The following CLSTN1 variants were observed in gnomAD, a reference collection of about 807,000 sequenced individuals.
CLSTN1 encodes the protein calsyntenin 1, also known as calsyntenin-1.
A neutral mutation model predicts 108.3 loss-of-function variants in CLSTN1; 28 were observed. The ratio of observed to expected loss-of-function variants is 0.26; its 90% CI spans 0.19 to 0.35. CLSTN1 has a LOEUF of 0.35. Among genes scored for constraint, CLSTN1 ranks in the 10% least tolerant of loss-of-function variants. The pLI is 1.00. For missense variants in CLSTN1, 1,157 were observed against 1,302.6 expected (o/e 0.89, Z 1.72); for synonymous variants, 524 against 534.9 (o/e 0.98, Z 0.28).
chr1:9,744,929 T>G (rs886338146), intron 7 of CLSTN1, among the ~76,000 whole-genome samples: 4 of 151,966 alleles, frequency 2.6e-5, no homozygotes, highest in African/African-American at 7.2e-5. Flanking sequence ...AATTTTTGCA[T>G]TTTCAGGAGA....
chr1:9,744,304 G>A (rs1016394275), intron 8 of CLSTN1, 91 bp downstream of exon 8: 32 of 1,504,082 alleles, frequency 2.1e-5, no homozygotes, highest in Non-Finnish European at 2.7e-5. Context: ...CAGGCTGGCA[G>A]GGGACCCTGG....
At chr1:9,735,720 T>C (rs565560048) in intron 12 of CLSTN1, 105 bp from the exon 13 acceptor site, 6 of 1,525,370 alleles carry the variant, frequency 3.9e-6, no homozygotes, top group East Asian at 2.3e-5. Flanking sequence ...TCGATTTGAA[T>C]TGCTGACTTG....
At chr1:9,816,060 G>A (rs771567929) in intron 1 of CLSTN1, among the ~76,000 whole-genome samples, 27 of 152,256 alleles carry the variant, frequency 1.8e-4, no homozygotes, top group Middle Eastern at 3.4e-3. Context: ...GTACAAAAAT[G>A]TTCATAGTAA....
chr1:9,781,969 T>C (rs1010326463), intron 1 of CLSTN1, among the ~76,000 whole-genome samples: 2 of 152,164 alleles, frequency 1.3e-5, no homozygotes, highest in Non-Finnish European at 2.9e-5. Flanking sequence ...TAACTGTGGA[T>C]TTATATTGTA....
At chr1:9,767,769 C>T (rs970488163) in intron 2 of CLSTN1, among the ~76,000 whole-genome samples, 24 of 152,082 alleles carry the variant, frequency 1.6e-4, no homozygotes, top group Non-Finnish European at 3.2e-4. Context: ...CCAAAAAATA[C>T]TTAAGAAAGT....
At chr1:9,736,146 GGACAT>G in intron 11 of CLSTN1, 104 bp from the exon 12 acceptor site, 1 of 1,366,560 alleles carries the variant, frequency 7.3e-7, no homozygotes, top group Non-Finnish European at 1.0e-6. Flanking sequence ...CTCAGTGGAT[GGACAT>G]GCGGGTTAGT....
At chr1:9,766,022 A>C (rs1652312813) in intron 2 of CLSTN1, among the ~76,000 whole-genome samples, 1 of 152,212 alleles carries the variant, frequency 6.6e-6, no homozygotes, top group African/African-American at 2.4e-5. Flanking sequence ...TGTGAATCAC[A>C]TTCATAACAA....
rs746039544 is a variant in CLSTN1 at position 9,733,500 on chromosome 1, G to A, written c.2328C>T (p.Arg776=). 1.2e-6 allele frequency: 2 copies of A among 1,614,066 alleles called. No homozygotes were observed. Among genetic ancestry groups the A allele is most frequent in the Non-Finnish European group, 1.7e-6 (2 of 1,180,040 alleles). Residue 776 remains arginine (R), a synonymous_variant, in exon 16 of 19, where the codon CGC becomes CGT. Coordinates refer to ENST00000377298, the MANE Select transcript of CLSTN1 (RefSeq NM_001009566.3). Reference sequence around the variant, plus strand: ...AGGACCTGGCATGCCAGTTCCGATAGCGCAGCAGGTGCAAAACCTCCTCGT... The same window carrying A: ...AGGACCTGGCATGCCAGTTCCGATAACGCAGCAGGTGCAAAACCTCCTCGT... ...ASYEEVLHLL[R]YRNWHARSLL...
intron 17 of CLSTN1, 60 bp downstream of exon 17, chr1:9,731,701 G>A (rs1444623284): frequency 1.9e-5 from 30 of 1,544,100 alleles, no homozygotes; most frequent in Non-Finnish European, 2.4e-5. Flanking sequence ...CCCACGGTGG[G>A]GTGGGGGCAG....
intron 16 of CLSTN1, among the ~76,000 whole-genome samples, chr1:9,732,583 G>C (rs1650465517): frequency 6.6e-6 from 1 of 152,202 alleles, no homozygotes; most frequent in African/African-American, 2.4e-5. Flanking sequence ...TTAGCATTCT[G>C]CTCTTGAGTT....
chr1:9,749,375 A>C, intron 7 of CLSTN1, 86 bp downstream of exon 7: 1 of 1,222,504 alleles, frequency 8.2e-7, no homozygotes, highest in South Asian at 1.5e-5. Flanking sequence ...AATTATGAAC[A>C]CAACACACAC....
chr1:9,776,540 C>G (rs531822206), intron 1 of CLSTN1, among the ~76,000 whole-genome samples: 1 of 152,048 alleles, frequency 6.6e-6, no homozygotes, highest in Non-Finnish European at 1.5e-5. Flanking sequence ...AAAAAATCCA[C>G]ATACACACAA....
At chr1:9,821,237 A>T (rs1285562528) in intron 1 of CLSTN1, among the ~76,000 whole-genome samples, 1 of 152,180 alleles carries the variant, frequency 6.6e-6, no homozygotes, top group African/African-American at 2.4e-5. Flanking sequence ...GGTTCAAGCA[A>T]TTCTCCTGCC....
At chr1:9,770,342 T>C (rs1652609940) in intron 2 of CLSTN1, among the ~76,000 whole-genome samples, 1 of 152,200 alleles carries the variant, frequency 6.6e-6, no homozygotes. Context: ...GTTTGAGAAA[T>C]ACACAATAAA....
intron 1 of CLSTN1, among the ~76,000 whole-genome samples, chr1:9,812,439 C>T (rs1654798513): frequency 6.6e-6 from 1 of 152,112 alleles, no homozygotes; most frequent in Non-Finnish European, 1.5e-5. Context: ...AATCTCAGGC[C>T]CTGGGCCCAC....
chr1:9,791,631 A>G (rs1439232915), intron 1 of CLSTN1, among the ~76,000 whole-genome samples: 1 of 150,974 alleles, frequency 6.6e-6, no homozygotes, highest in Non-Finnish European at 1.5e-5. Flanking sequence ...TTCTGGGTTC[A>G]AACAATTCTC....
intron 7 of CLSTN1, among the ~76,000 whole-genome samples, chr1:9,748,590 C>T (rs1262349765): frequency 6.6e-6 from 1 of 151,894 alleles, no homozygotes; most frequent in Non-Finnish European, 1.5e-5. Flanking sequence ...TGGGCTCAAG[C>T]GATCCTCCTC....
intron 2 of CLSTN1, among the ~76,000 whole-genome samples, chr1:9,760,734 GC>G (rs1652033672): frequency 9.0e-6 from 1 of 111,368 alleles, no homozygotes; most frequent in South Asian, 3.1e-4. Context: ...TCACCATGTT[GC>G]CCAGGCTGGT....
At chr1:9,737,989 G>A (rs1349208161) in intron 10 of CLSTN1, among the ~76,000 whole-genome samples, 2 of 152,160 alleles carry the variant, frequency 1.3e-5, no homozygotes, top group Admixed American at 1.3e-4. Flanking sequence ...ACACTGCGCA[G>A]ACAAAAAGGC....
Sources: allele counts gnomAD v4.1 joint callset (sites outside exome capture counted in the v4.1 genomes callset), GRCh38; gene constraint gnomAD v4.1.1; transcripts MANE v1.5; gene names NCBI Gene and HGNC (gene_info 2026-07-23, HGNC 2026-07-21).